Variants in WNT11 observed in about 807,000 individuals in gnomAD.
WNT11 encodes the protein Wnt family member 11.
In WNT11, 20 loss-of-function variants were observed where a neutral mutation model predicts 35.6. The ratio of observed to expected loss-of-function variants is 0.56; its 90% CI spans 0.40 to 0.82. The LOEUF (loss-of-function observed/expected upper bound fraction) is 0.82. Among genes scored for constraint, WNT11 ranks in the 40% least tolerant of loss-of-function variants. WNT11 has a pLI of 0.00. For missense variants in WNT11, 459 were observed against 504.4 expected, an observed-to-expected ratio of 0.91 and a Z score of 0.86; for synonymous variants, 200 against 211.9, an observed-to-expected ratio of 0.94 and a Z score of 0.49.
intron 1 of WNT11, among the ~76,000 whole-genome samples, chr11:76,197,120 G>A (rs1205617632): frequency 6.6e-6 from 1 of 152,216 alleles, no homozygotes; most frequent in Non-Finnish European, 1.5e-5. Flanking sequence ...GCAGCTACGT[G>A]CCAGAAACCA....
rs1164626729 is a variant in WNT11 at position 76,194,533 on chromosome 11, C to A, written c.597+34G>T. ...CCTTTTCTGGCCAATGGCACAAGCA[C>A]AACTATCTGGGGGTGGGTGGGGTGG... On this transcript the variant is annotated intron_variant, in intron 3 of 4. Coordinates refer to ENST00000322563, the MANE Select transcript of WNT11 (RefSeq NM_004626.3). The surrounding 1 kb of genome is among the most constrained non-coding windows in gnomAD (Gnocchi z 5.4). The A allele has an allele frequency of 8.5e-6, 12 of 1,416,424 alleles. No individual in the cohort carries two copies. Among genetic ancestry groups the A allele is most frequent in the Non-Finnish European group, 8.4e-6 (9 of 1,071,080 alleles). 87.7% of individuals were successfully genotyped at this position (1,416,424 alleles called of 1,614,324 possible). A position where few individuals can be genotyped will look rare whatever the true frequency, so the allele number is the denominator to read the frequency against.
intron 3 of WNT11, 128 bp from the exon 4 acceptor site, chr11:76,191,984 T>TA: frequency 1.7e-6 from 2 of 1,207,908 alleles, no homozygotes; most frequent in Non-Finnish European, 2.2e-6. Flanking sequence ...TCTGAAGTGA[T>TA]AGAGCTTTTT....
chr11:76,196,566 G>A lies in WNT11; in HGVS notation c.236C>T (p.Ala79Val). The A allele has an allele frequency of 6.2e-7, 1 of 1,613,504 alleles. No individual in the cohort carries two copies. Among genetic ancestry groups the A allele is most frequent in the Non-Finnish European group, 8.5e-7 (1 of 1,180,034 alleles). ...CATGTCGGCAAAGGCCCGGCGACAG[G>A]CCTTCATGACCTCGCGGGCGGCGTG... is the stretch of plus-strand genomic sequence containing the variant. ...VVHAAREVMK[A>V]CRRAFADMRW... The change falls in exon 2 of 5, where the codon GCC (alanine) becomes GTC (valine). Residue 79 changes from alanine to valine, a missense_variant. Physicochemically the swap from Ala to Val is moderately conservative, Grantham distance 64. Transcript: ENST00000322563.
upstream of WNT11, among the ~76,000 whole-genome samples, chr11:76,207,164 C>T (rs1349822860): frequency 6.6e-6 from 1 of 152,116 alleles, no homozygotes; most frequent in African/African-American, 2.4e-5. Flanking sequence ...GAGCTCGAGA[C>T]CAGCCTGCCC....
chr11:76,208,583 G>A (rs564659503), upstream of WNT11, among the ~76,000 whole-genome samples: 1 of 152,248 alleles, frequency 6.6e-6, no homozygotes, highest in Non-Finnish European at 1.5e-5. Flanking sequence ...GCCGCCCCCC[G>A]AAGGCACCCG....
rs186302807 is a variant in WNT11, at chr11:76,192,449, C to T, written c.598-593G>A. On this transcript the variant is annotated intron_variant, in intron 3 of 4. Coordinates refer to ENST00000322563, the MANE Select transcript of WNT11 (RefSeq NM_004626.3). ...TCCCCGCCGCCTGGCTGACTTTCCC[C>T]CCACTGCCAGTGCTCCTGCCAGGCC... Among the ~76,000 whole-genome samples the T allele has an allele frequency of 2.9e-3, 447 of 152,348 alleles. 2 individuals carry two copies. Among genetic ancestry groups the T allele is most frequent in the African/African-American group, 0.01 (430 of 41,580 alleles).
At chr11:76,210,486 G>T (rs1953552409), upstream of WNT11, 17 of 985,150 alleles carry the variant, frequency 1.7e-5, no homozygotes, top group Non-Finnish European at 2.0e-5. Context: ...CGGGGCGCTC[G>T]CCAGGCGCGC....
At chr11:76,206,662 AT>A, upstream of WNT11, 1 of 721,046 alleles carries the variant, frequency 1.4e-6, no homozygotes, top group Non-Finnish European at 1.8e-6. Context: ...CCTGGCTCGA[AT>A]TAGGCGCGGC....
chr11:76,191,274 C>G (rs1263505184), intron 4 of WNT11, among the ~76,000 whole-genome samples: 1 of 152,236 alleles, frequency 6.6e-6, no homozygotes, highest in Non-Finnish European at 1.5e-5. Context: ...GTCATTGTCT[C>G]TTCCCATCTG....
At chr11:76,195,479 G>T (rs568188127) in intron 2 of WNT11, among the ~76,000 whole-genome samples, 1 of 152,232 alleles carries the variant, frequency 6.6e-6, no homozygotes. Context: ...ATGGCGGGCC[G>T]CCACCAGGAG....
chr11:76,206,473 C>G lies in WNT11; in HGVS notation c.-66G>C. On this transcript the variant is annotated 5_prime_UTR_variant, in exon 1 of 5. Coordinates refer to ENST00000322563, the MANE Select transcript of WNT11 (RefSeq NM_004626.3). Reference sequence around the variant, plus strand: ...GCCGCGCCGAAGTCCTCCGCCTGCACGGCCGCCGCTGGTCCTGCACGCCGC... The same window carrying G: ...GCCGCGCCGAAGTCCTCCGCCTGCAGGGCCGCCGCTGGTCCTGCACGCCGC... 1 of 1,322,044 alleles carries G rather than the reference C, an allele frequency of 7.6e-7. No individual in the cohort carries two copies. Among genetic ancestry groups the G allele is most frequent in the Non-Finnish European group, 9.6e-7 (1 of 1,037,558 alleles). 81.9% of individuals were successfully genotyped at this position (1,322,044 alleles called of 1,614,324 possible).
At chr11:76,199,678 C>T (rs1350022474) in intron 1 of WNT11, among the ~76,000 whole-genome samples, 1 of 152,102 alleles carries the variant, frequency 6.6e-6, no homozygotes, top group Non-Finnish European at 1.5e-5. Context: ...TGGTGCGCGC[C>T]TGTAGTCCCA....
upstream of WNT11, chr11:76,210,455 C>G: frequency 1.0e-6 from 1 of 985,338 alleles, no homozygotes; most frequent in Non-Finnish European, 1.2e-6. Flanking sequence ...TGCCCGCTGC[C>G]CGCGACCACT....
upstream of WNT11, among the ~76,000 whole-genome samples, chr11:76,210,127 G>T (rs926347750): frequency 6.6e-6 from 1 of 151,508 alleles, no homozygotes; most frequent in African/African-American, 2.4e-5. Context: ...GACCTCATCC[G>T]CCGAACGACT....
At chr11:76,209,266 C>T (rs533475045), upstream of WNT11, among the ~76,000 whole-genome samples, 1 of 152,292 alleles carries the variant, frequency 6.6e-6, no homozygotes, top group Admixed American at 6.5e-5. Flanking sequence ...GCCCGGGAGG[C>T]GGCCGCCTGG....
At chr11:76,200,586 C>T (rs1450606287) in intron 1 of WNT11, among the ~76,000 whole-genome samples, 1 of 152,202 alleles carries the variant, frequency 6.6e-6, no homozygotes, top group Non-Finnish European at 1.5e-5. Context: ...GATGATCAGC[C>T]CTGCTTTAGG....
chr11:76,199,157 A>C (rs924588018), intron 1 of WNT11, among the ~76,000 whole-genome samples: 3 of 152,094 alleles, frequency 2.0e-5, no homozygotes, highest in Non-Finnish European at 2.9e-5. Flanking sequence ...AAATAAATTA[A>C]AATAAAATAA....
upstream of WNT11, among the ~76,000 whole-genome samples, chr11:76,208,315 TAC>T (rs565569471): frequency 6.6e-4 from 100 of 152,192 alleles, no homozygotes; most frequent in Middle Eastern, 0.014. Flanking sequence ...GCCTGGATCG[TAC>T]AGTTTTTTTC....
chr11:76,194,886 C>G lies in WNT11; in HGVS notation c.320-42G>C, dbSNP rs763620890. 1 of 1,455,582 alleles carries G rather than the reference C, an allele frequency of 6.9e-7. No individual in the cohort carries two copies. The highest frequency in any genetic ancestry group is 9.0e-7 in the Non-Finnish European group (1 of 1,108,824). The allele number at this position is 1,455,582 out of a possible 1,614,324, so 90.2% of individuals were successfully genotyped here. A position where few individuals can be genotyped will look rare whatever the true frequency, so the allele number is the denominator to read the frequency against. ...AAGGTCAGCCGACGCTGATCCAGGG[C>G]TAGGACCCTGCCCAGGTCAGAGGTC... On this transcript the variant is annotated intron_variant, in intron 2 of 4. Transcript: ENST00000322563. This position sits in a 1 kb window ranked among gnomAD's most constrained non-coding sequence, Gnocchi z 5.4.
Sources: allele counts gnomAD v4.1 joint callset (sites outside exome capture counted in the v4.1 genomes callset), GRCh38; gene constraint gnomAD v4.1.1; non-coding constraint Gnocchi (gnomAD v3.1); transcripts MANE v1.5; gene names NCBI Gene and HGNC (gene_info 2026-07-23, HGNC 2026-07-21).